The following NDFIP2 variants were observed in gnomAD, a reference collection of about 807,000 sequenced individuals.
NDFIP2 encodes the protein NEDD4 family-interacting protein 2.
A neutral mutation model predicts 36.0 loss-of-function variants in NDFIP2; 19 were observed. That is an observed-to-expected ratio of 0.53 (90% CI 0.37 to 0.77). NDFIP2 has a LOEUF of 0.77. NDFIP2 is among the 30% of genes least tolerant of loss of function. The pLI, the probability that NDFIP2 is intolerant of heterozygous loss-of-function variation, is 0.00. For synonymous variants in NDFIP2, 181 were observed against 167.7 expected (o/e 1.08, Z -0.61); for missense variants, 446 against 435.8 (o/e 1.02, Z -0.21).
intron 1 of NDFIP2, among the ~76,000 whole-genome samples, chr13:79,512,626 G>T (rs1874121112): frequency 6.6e-6 from 1 of 152,184 alleles, no homozygotes; most frequent in South Asian, 2.1e-4. Context: ...TTGACCATTT[G>T]TGGAAAGGTA....
rs901596140 is a variant in NDFIP2, at chr13:79,555,168, A to G, written c.*2655A>G. The G allele has an allele frequency of 1.3e-5, 2 of 150,602 alleles. No individual in the cohort carries two copies. The highest frequency in any genetic ancestry group is 3.0e-5 in the Non-Finnish European group (2 of 67,524). The allele number at this position is 150,602 out of a possible 1,614,324, so 9.3% of individuals were successfully genotyped here. A position where few individuals can be genotyped will look rare whatever the true frequency, so the allele number is the denominator to read the frequency against. On this transcript the variant is annotated 3_prime_UTR_variant, in exon 8 of 8. Transcript: ENST00000218652. ...TATTATTTCCAGTAAAACCTCTCCT[A>G]ACAGGAAAAGTGGAGTTCAAAATAT...
At chr13:79,550,869 G>A in intron 6 of NDFIP2, 148 bp from the exon 7 acceptor site, 1 of 498,472 alleles carries the variant, frequency 2.0e-6, no homozygotes, top group South Asian at 4.3e-5. Flanking sequence ...TATCCTTATA[G>A]TGTAAAATAT....
chr13:79,552,242 A>G (rs1431106166), intron 7 of NDFIP2, among the ~76,000 whole-genome samples: 1 of 151,350 alleles, frequency 6.6e-6, no homozygotes. Flanking sequence ...AGTATTAATA[A>G]TAAGATTAAA....
intron 4 of NDFIP2, 25 bp downstream of exon 4, chr13:79,539,800 TG>T (rs777354562): frequency 5.0e-6 from 8 of 1,602,068 alleles, no homozygotes; most frequent in Non-Finnish European, 6.8e-6. Context: ...TAAACTATTT[TG>T]GGTTGTTTTT....
Position 79,548,152 on chromosome 13 carries a change from C to G in NDFIP2, c.841-176C>G, listed in dbSNP as rs139297651. ...GCTATTGCATAAGATGATTTTTTCT[C>G]AAATAATTTATATATGTGTATGCTG... On this transcript the variant is annotated intron_variant, in intron 5 of 7. Transcript: ENST00000218652. Among the ~76,000 whole-genome samples the G allele has an allele frequency of 4.1e-3, 623 of 151,868 alleles. 7 individuals carry two copies. The highest frequency in any genetic ancestry group is 0.014 in the African/African-American group (599 of 41,420).
At chr13:79,530,305 T>C (rs966748752) in intron 2 of NDFIP2, among the ~76,000 whole-genome samples, 1 of 152,120 alleles carries the variant, frequency 6.6e-6, no homozygotes, top group African/African-American at 2.4e-5. Context: ...TTTTTAAAGA[T>C]GGAGTCTCCC....
At chr13:79,549,116 AG>A (rs1373413748) in intron 6 of NDFIP2, among the ~76,000 whole-genome samples, 1 of 151,986 alleles carries the variant, frequency 6.6e-6, no homozygotes, top group East Asian at 1.9e-4. Flanking sequence ...ACAGCATTTC[AG>A]TAGGTGGCAG....
chr13:79,512,158 C>G (rs910411260), intron 1 of NDFIP2, among the ~76,000 whole-genome samples: 2 of 152,122 alleles, frequency 1.3e-5, no homozygotes, highest in African/African-American at 4.8e-5. Flanking sequence ...TCAAAATGTC[C>G]TTACTTAATT....
intron 1 of NDFIP2, among the ~76,000 whole-genome samples, chr13:79,489,834 A>G (rs1008770115): frequency 6.6e-6 from 1 of 152,242 alleles, no homozygotes; most frequent in Non-Finnish European, 1.5e-5. Flanking sequence ...ATTTCATAGA[A>G]GAATGGAACT....
intron 1 of NDFIP2, among the ~76,000 whole-genome samples, chr13:79,506,549 C>T (rs889901887): frequency 1.3e-5 from 2 of 151,928 alleles, no homozygotes; most frequent in African/African-American, 2.4e-5. Context: ...TTAAGTTTCT[C>T]GTTAGTTCCC....
chr13:79,487,054 ACT>A (rs1405815368), intron 1 of NDFIP2, among the ~76,000 whole-genome samples: 5 of 152,030 alleles, frequency 3.3e-5, no homozygotes, highest in Non-Finnish European at 5.9e-5. Context: ...AAATAACATC[ACT>A]CTGGCGATTA....
intron 1 of NDFIP2, among the ~76,000 whole-genome samples, chr13:79,515,584 G>A (rs1186380489): frequency 2.0e-5 from 3 of 152,184 alleles, no homozygotes; most frequent in African/African-American, 7.2e-5. Flanking sequence ...CTAAATTTAA[G>A]AAAATTCTAA....
chr13:79,544,848 C>G (rs1223700835), intron 5 of NDFIP2, among the ~76,000 whole-genome samples: 5 of 151,868 alleles, frequency 3.3e-5, no homozygotes, highest in African/African-American at 1.2e-4. Context: ...TTCAGTAATC[C>G]ATAGGTTTTG....
At chr13:79,487,080 T>C (rs775842734) in intron 1 of NDFIP2, among the ~76,000 whole-genome samples, 4 of 152,124 alleles carry the variant, frequency 2.6e-5, no homozygotes, top group African/African-American at 4.8e-5. Flanking sequence ...TTTCAACATA[T>C]ACATTTTGGA....
intron 2 of NDFIP2, among the ~76,000 whole-genome samples, chr13:79,530,173 G>C (rs1269411890): frequency 6.6e-6 from 1 of 152,024 alleles, no homozygotes; most frequent in African/African-American, 2.4e-5. Context: ...TTTAGAGACA[G>C]AATTCAGTGG....
intron 1 of NDFIP2, among the ~76,000 whole-genome samples, chr13:79,491,911 G>T (rs956666039): frequency 6.6e-6 from 1 of 152,228 alleles, no homozygotes; most frequent in African/African-American, 2.4e-5. Context: ...CCAAATGCAA[G>T]TTGGGAAATG....
chr13:79,491,802 G>GT (rs1566653775), intron 1 of NDFIP2, among the ~76,000 whole-genome samples: 2 of 152,094 alleles, frequency 1.3e-5, no homozygotes, highest in Non-Finnish European at 1.5e-5. Flanking sequence ...GTAAATCATC[G>GT]TATGTCTCTG....
intron 2 of NDFIP2, among the ~76,000 whole-genome samples, chr13:79,528,090 C>T (rs1874870272): frequency 6.6e-6 from 1 of 151,960 alleles, no homozygotes; most frequent in South Asian, 2.1e-4. Context: ...GCGAAACCCT[C>T]ATCAACAAAA....
intron 1 of NDFIP2, among the ~76,000 whole-genome samples, chr13:79,486,648 G>T (rs1005572028): frequency 3.7e-4 from 56 of 152,298 alleles, no homozygotes; most frequent in African/African-American, 1.1e-3. Context: ...GCAGAGATCA[G>T]CAAACTGTGG....
Sources: gnomAD v4.1 joint callset for allele counts (sites outside exome capture counted in the v4.1 genomes callset) on GRCh38, gnomAD v4.1.1 for gene constraint, MANE v1.5 for transcripts, NCBI Gene and HGNC (gene_info 2026-07-23, HGNC 2026-07-21) for gene names.